DOCK4: variants seen among roughly 807,000 people sequenced by gnomAD.
DOCK4 encodes dedicator of cytokinesis protein 4.
A neutral mutation model predicts 268.1 loss-of-function variants in DOCK4; 97 were observed. The observed-to-expected ratio is 0.36, with a 90% confidence interval of 0.31 to 0.43. DOCK4 has a LOEUF of 0.43. DOCK4 is among the 20% of genes least tolerant of loss of function. The probability of loss-of-function intolerance (pLI) is 1.00; values close to 1 mark genes in which losing one functional copy is unlikely to be tolerated. For missense variants in DOCK4, 2,145 were observed against 2,455.7 expected (o/e 0.87, Z 2.67); for synonymous variants, 954 against 887.2 (o/e 1.08, Z -1.34).
chr7:112,119,307 C>T (rs1030525210), intron 1 of DOCK4, among the ~76,000 whole-genome samples: 3 of 152,130 alleles, frequency 2.0e-5, no homozygotes, highest in Non-Finnish European at 4.4e-5. Context: ...TCTGCCCCCA[C>T]CCCACTGTGG....
intron 25 of DOCK4, among the ~76,000 whole-genome samples, chr7:111,837,665 G>T (rs1563571611): frequency 6.6e-6 from 1 of 152,068 alleles, no homozygotes; most frequent in Non-Finnish European, 1.5e-5. Flanking sequence ...AATAATTACT[G>T]ATCTATTTGA....
chr7:111,911,196 GA>G (rs1232218280), intron 13 of DOCK4, among the ~76,000 whole-genome samples: 2 of 151,272 alleles, frequency 1.3e-5, no homozygotes, highest in Admixed American at 6.6e-5. Context: ...TCTAGACAAT[GA>G]AAAAAAAATT....
intron 45 of DOCK4, 29 bp from the exon 46 acceptor site, chr7:111,741,690 TTACA>T (rs1458735893): frequency 6.2e-7 from 1 of 1,607,592 alleles, no homozygotes; most frequent in Non-Finnish European, 8.5e-7. Flanking sequence ...AAATATCTCA[TTACA>T]GTAATGATTT....
chr7:112,021,533 C>G (rs35835477), intron 1 of DOCK4, among the ~76,000 whole-genome samples: 7 of 152,080 alleles, frequency 4.6e-5, no homozygotes, highest in Non-Finnish European at 8.8e-5. Context: ...GGAAGTCTAA[C>G]GCCTTCCCAT....
chr7:111,871,509 C>T (rs1166719234), intron 20 of DOCK4, among the ~76,000 whole-genome samples: 1 of 152,218 alleles, frequency 6.6e-6, no homozygotes, highest in African/African-American at 2.4e-5. Flanking sequence ...CAGGTCTTCA[C>T]ATCATCAGCA....
chr7:111,883,003 G>A (rs1807538147), intron 16 of DOCK4, among the ~76,000 whole-genome samples: 1 of 152,146 alleles, frequency 6.6e-6, no homozygotes, highest in Non-Finnish European at 1.5e-5. Flanking sequence ...CACCTGTCCA[G>A]TAACAGAAAC....
chr7:111,867,925 AAAAT>A, intron 22 of DOCK4, 55 bp downstream of exon 22: 3 of 1,387,280 alleles, frequency 2.2e-6, no homozygotes, highest in African/African-American at 1.5e-5. Flanking sequence ...CTGCTGTGTA[AAAAT>A]AAATAAACTG....
intron 1 of DOCK4, among the ~76,000 whole-genome samples, chr7:112,015,562 G>C (rs1801745610): frequency 1.3e-5 from 2 of 152,116 alleles, no homozygotes; most frequent in Admixed American, 1.3e-4. Context: ...TCTGGATCAG[G>C]ACCCCTTTCT....
chr7:112,005,512 C>T (rs998118505), intron 1 of DOCK4, among the ~76,000 whole-genome samples: 10 of 152,150 alleles, frequency 6.6e-5, no homozygotes, highest in Admixed American at 3.9e-4. Flanking sequence ...CTCATAATGA[C>T]GTGCAAGAAG....
In DOCK4 at chr7:111,735,198, C is replaced by T. The variant is rs372909552; in HGVS notation, c.5306-31G>A. ...AGGGAATAACACAGCTAAAAACACA[C>T]GGTCCAGCTTTGCCCTTCCAATGCT... On this transcript the variant is annotated intron_variant, in intron 50 of 52. Coordinates refer to ENST00000428084, the MANE Select transcript of DOCK4 (RefSeq NM_001363540.2). 340 of 1,457,400 alleles carry T rather than the reference C, an allele frequency of 2.3e-4. 2 individuals carry two copies. The South Asian group carries it at 2.9e-3, about 13-fold the overall frequency. 90.3% of individuals were successfully genotyped at this position (1,457,400 alleles called of 1,614,324 possible).
chr7:112,029,936 A>T (rs1175850977), intron 1 of DOCK4, among the ~76,000 whole-genome samples: 2 of 152,244 alleles, frequency 1.3e-5, no homozygotes, highest in African/African-American at 4.8e-5. Context: ...CTGAATATCT[A>T]AATCATTCCA....
chr7:111,750,014 T>G (rs1450331206), intron 42 of DOCK4, among the ~76,000 whole-genome samples: 1 of 152,110 alleles, frequency 6.6e-6, no homozygotes, highest in Non-Finnish European at 1.5e-5. Flanking sequence ...TGTGATAGAG[T>G]GTTCACCAAG....
At chr7:112,126,031 G>A (rs1813190613) in intron 1 of DOCK4, among the ~76,000 whole-genome samples, 1 of 152,060 alleles carries the variant, frequency 6.6e-6, no homozygotes, top group African/African-American at 2.4e-5. Flanking sequence ...AAACTCCTGG[G>A]CTCAAGTGAT....
intron 4 of DOCK4, among the ~76,000 whole-genome samples, chr7:111,994,454 C>T (rs1015560292): frequency 6.6e-6 from 1 of 152,076 alleles, no homozygotes; most frequent in African/African-American, 2.4e-5. Context: ...GTTTGAGCAG[C>T]GTGGTGAAGA....
chr7:111,928,386 C>G (rs187609819), intron 12 of DOCK4, among the ~76,000 whole-genome samples: 36 of 152,202 alleles, frequency 2.4e-4, no homozygotes, highest in Non-Finnish European at 4.4e-4. Flanking sequence ...AAATCAAGCT[C>G]TAATCACTAC....
intron 1 of DOCK4, among the ~76,000 whole-genome samples, chr7:112,042,449 T>TCC (rs140441694): frequency 0.011 from 1,692 of 152,138 alleles, 23 homozygotes; most frequent in African/African-American, 0.039. Flanking sequence ...TGAACAAAAT[T>TCC]CACATCCAAG....
At chr7:111,921,196 T>C (rs1793106418) in intron 12 of DOCK4, among the ~76,000 whole-genome samples, 1 of 152,182 alleles carries the variant, frequency 6.6e-6, no homozygotes, top group African/African-American at 2.4e-5. Context: ...CAATGATAAA[T>C]ACTTAACATT....
intron 26 of DOCK4, among the ~76,000 whole-genome samples, chr7:111,834,244 C>G (rs1243992045): frequency 1.3e-5 from 2 of 152,162 alleles, no homozygotes; most frequent in Non-Finnish European, 2.9e-5. Flanking sequence ...TACATATTCT[C>G]TTTTATCTTC....
chr7:111,783,199 C>T (rs1451900740), intron 34 of DOCK4, among the ~76,000 whole-genome samples: 3 of 152,086 alleles, frequency 2.0e-5, no homozygotes, highest in Non-Finnish European at 2.9e-5. Flanking sequence ...ATTATGCTCC[C>T]TCTCAATGGA....
Sources: gnomAD v4.1 joint callset for allele counts (sites outside exome capture counted in the v4.1 genomes callset) on GRCh38, gnomAD v4.1.1 for gene constraint, MANE v1.5 for transcripts, NCBI Gene and HGNC (gene_info 2026-07-23, HGNC 2026-07-21) for gene names.